The following PCDH9 variants were observed in gnomAD, a reference collection of about 807,000 sequenced individuals.
PCDH9 encodes protocadherin 9.
Under a neutral mutation model 70.6 loss-of-function variants are expected in PCDH9, and 24 were observed. That is an observed-to-expected ratio of 0.34 (90% CI 0.25 to 0.48). The LOEUF is 0.48. Ranked by LOEUF, PCDH9 falls within the 20% of genes least tolerant of loss-of-function variation. The pLI, the probability that PCDH9 is intolerant of heterozygous loss-of-function variation, is 0.99. For synonymous variants in PCDH9, 562 were observed against 558.5 expected, an observed-to-expected ratio of 1.01 and a Z score of -0.09; for missense variants, 1,281 against 1,503.6, an observed-to-expected ratio of 0.85 and a Z score of 2.45.
chr13:66,873,962 A>T (rs1594188087), intron 3 of PCDH9, among the ~76,000 whole-genome samples: 3 of 103,790 alleles, frequency 2.9e-5, no homozygotes, highest in African/African-American at 3.9e-5. Flanking sequence ...TTTATGAGAT[A>T]GCGTCTCACT....
intron 4 of PCDH9, among the ~76,000 whole-genome samples, chr13:66,380,807 T>G (rs1336939402): frequency 1.3e-5 from 2 of 152,074 alleles, no homozygotes; most frequent in African/African-American, 4.8e-5. Flanking sequence ...CCTCCCAGAG[T>G]GCTGGGATTA....
intron 2 of PCDH9, among the ~76,000 whole-genome samples, chr13:67,014,522 C>A (rs2084518629): frequency 6.6e-6 from 1 of 152,042 alleles, no homozygotes; most frequent in African/African-American, 2.4e-5. Context: ...GTTAGTTCTA[C>A]CAAGCACACT....
intron 4 of PCDH9, among the ~76,000 whole-genome samples, chr13:66,482,568 G>A (rs1958861284): frequency 2.0e-5 from 3 of 152,308 alleles, no homozygotes; most frequent in African/African-American, 4.8e-5. Context: ...ACATGATGCT[G>A]AACATACTGC....
chr13:66,407,902 A>G (rs1957306831), intron 4 of PCDH9, among the ~76,000 whole-genome samples: 1 of 152,194 alleles, frequency 6.6e-6, no homozygotes, highest in Non-Finnish European at 1.5e-5. Context: ...GTAGTCTATC[A>G]TATTTCAGTA....
intron 4 of PCDH9, among the ~76,000 whole-genome samples, chr13:66,329,419 TA>T (rs1566244914): frequency 6.6e-6 from 1 of 152,232 alleles, no homozygotes; most frequent in Non-Finnish European, 1.5e-5. Flanking sequence ...AATTCAAGTA[TA>T]TAATTTCAAC....
intron 4 of PCDH9, among the ~76,000 whole-genome samples, chr13:66,336,243 T>C (rs1416121134): frequency 6.6e-6 from 1 of 151,998 alleles, no homozygotes; most frequent in East Asian, 1.9e-4. Flanking sequence ...AATACTCCGC[T>C]TAAAGGCTTT....
chr13:67,091,505 T>C (rs1207414598), intron 2 of PCDH9, among the ~76,000 whole-genome samples: 2 of 152,158 alleles, frequency 1.3e-5, no homozygotes, highest in Admixed American at 6.6e-5. Flanking sequence ...CTGTTACATG[T>C]AGATTTTAGC....
chr13:66,666,573 A>T (rs1053140140), intron 3 of PCDH9, among the ~76,000 whole-genome samples: 1 of 152,196 alleles, frequency 6.6e-6, no homozygotes, highest in Non-Finnish European at 1.5e-5. Flanking sequence ...CTTTACCTAG[A>T]AGGAGACAAT....
At chr13:67,172,883 A>C (rs2088335146) in intron 2 of PCDH9, among the ~76,000 whole-genome samples, 1 of 151,330 alleles carries the variant, frequency 6.6e-6, no homozygotes, top group African/African-American at 2.4e-5. Context: ...ATCTCAAAAA[A>C]AAAAAAAAAA....
At chr13:66,499,291 A>AT (rs200844069) in intron 4 of PCDH9, among the ~76,000 whole-genome samples, 1,909 of 152,052 alleles carry the variant, frequency 0.013, 41 homozygotes, top group African/African-American at 0.043. Context: ...TTTAAAGCAG[A>AT]TTTTTTTTAT....
chr13:66,454,282 C>G (rs183895755), intron 4 of PCDH9, among the ~76,000 whole-genome samples: 1 of 151,896 alleles, frequency 6.6e-6, no homozygotes, highest in Non-Finnish European at 1.5e-5. Context: ...TGAGCTACAA[C>G]GAAGGAGAAA....
Position 66,545,831 on chromosome 13 carries a change from T to TTATTTTATTTTATTTTATTC in PCDH9, c.3340+85378_3340+85379insGAATAAAATAAAATAAAATA, listed in dbSNP as rs548011318. On this transcript the variant is annotated intron_variant, in intron 4 of 4. Coordinates refer to ENST00000377865, the MANE Select transcript of PCDH9 (RefSeq NM_203487.3). ...TTACTTTATTTTATTTTATTTTATTTTATTTATTTATTTATTTATTTATTT... is the reference window on the plus strand; with the variant it reads ...TTACTTTATTTTATTTTATTTTATTTTATTTTATTTTATTTTATTCTATTTATTTATTTATTTATTTATTT... Among the ~76,000 whole-genome samples the TTATTTTATTTTATTTTATTC allele has an allele frequency of 1.8e-4, 27 of 150,320 alleles. No homozygotes were observed. In the East Asian group the frequency reaches 5.1e-3, roughly 28 times the overall value.
chr13:66,513,426 A>G (rs9540780), intron 4 of PCDH9, among the ~76,000 whole-genome samples: 123,394 of 151,848 alleles, frequency 0.81, 50,544 homozygotes, highest in East Asian at 0.91. Context: ...TGTCCCTAAG[A>G]ATTGCCACGT....
At chr13:66,569,829 G>A (rs923643637) in intron 4 of PCDH9, among the ~76,000 whole-genome samples, 2 of 152,126 alleles carry the variant, frequency 1.3e-5, no homozygotes, top group African/African-American at 4.8e-5. Flanking sequence ...TATAAAAATG[G>A]TGCTGCCTCT....
intron 3 of PCDH9, among the ~76,000 whole-genome samples, chr13:66,758,489 A>T (rs1387487560): frequency 1.3e-5 from 2 of 152,054 alleles, no homozygotes; most frequent in Non-Finnish European, 2.9e-5. Flanking sequence ...GTTTTAATAC[A>T]TGTATACACT....
chr13:66,950,489 G>A (rs1392488890), intron 2 of PCDH9, among the ~76,000 whole-genome samples: 1 of 151,114 alleles, frequency 6.6e-6, no homozygotes, highest in Non-Finnish European at 1.5e-5. Context: ...AGATATATGT[G>A]TATGATTTTT....
intron 4 of PCDH9, among the ~76,000 whole-genome samples, chr13:66,514,627 C>T (rs1001755084): frequency 2.6e-5 from 4 of 151,966 alleles, no homozygotes; most frequent in African/African-American, 4.8e-5. Context: ...GTTTATTCTT[C>T]GGGTGTGCTT....
At chr13:66,768,563 C>A (rs532777652) in intron 3 of PCDH9, among the ~76,000 whole-genome samples, 105 of 152,074 alleles carry the variant, frequency 6.9e-4, no homozygotes, top group African/African-American at 2.4e-3. Context: ...TTTACTTATA[C>A]ATAAAACAAT....
At chr13:66,411,913 G>C (rs547931688) in intron 4 of PCDH9, among the ~76,000 whole-genome samples, 7 of 152,232 alleles carry the variant, frequency 4.6e-5, no homozygotes, top group Admixed American at 1.3e-4. Flanking sequence ...CATAGAAATG[G>C]AGATAGCATT....
Sources: gnomAD v4.1 joint callset for allele counts (sites outside exome capture counted in the v4.1 genomes callset) on GRCh38, gnomAD v4.1.1 for gene constraint, MANE v1.5 for transcripts, NCBI Gene and HGNC (gene_info 2026-07-23, HGNC 2026-07-21) for gene names.